The following TACC2 variants were observed in gnomAD, a reference collection of about 807,000 sequenced individuals.
TACC2 encodes the protein transforming acidic coiled-coil containing protein 2.
Under a neutral mutation model 227.3 loss-of-function variants are expected in TACC2, and 137 were observed. That is an observed-to-expected ratio of 0.60 (90% CI 0.52 to 0.69). TACC2 has a LOEUF of 0.69. Ranked by LOEUF, TACC2 falls within the 30% of genes least tolerant of loss-of-function variation. TACC2 has a pLI of 0.00. For missense variants in TACC2, 3,470 were observed against 3,694.4 expected (o/e 0.94, Z 1.57); for synonymous variants, 1,523 against 1,487.5 (o/e 1.02, Z -0.55).
chr10:122,002,829 AT>A (rs1325680648), intron 1 of TACC2, among the ~76,000 whole-genome samples: 1 of 152,088 alleles, frequency 6.6e-6, no homozygotes, highest in Non-Finnish European at 1.5e-5. Flanking sequence ...CCCTCTTGTA[AT>A]TTTGTGTGTT....
intron 7 of TACC2, among the ~76,000 whole-genome samples, chr10:122,189,384 T>C (rs534536262): frequency 6.6e-6 from 1 of 152,310 alleles, no homozygotes; most frequent in South Asian, 2.1e-4. Context: ...GGTCTCCCTC[T>C]CTCTTCAGGG....
At chr10:122,161,345 A>G (rs1227577643) in intron 7 of TACC2, among the ~76,000 whole-genome samples, 1 of 152,220 alleles carries the variant, frequency 6.6e-6, no homozygotes, top group Non-Finnish European at 1.5e-5. Flanking sequence ...GATTCTACGT[A>G]AAAGCACTTC....
intron 21 of TACC2, 137 bp downstream of exon 21, chr10:122,249,293 T>C: frequency 1.3e-6 from 1 of 741,500 alleles, no homozygotes; most frequent in African/African-American, 1.8e-5. Context: ...TCAATAAGAC[T>C]CGAGAGAAGG....
chr10:122,188,780 T>C (rs2094307148), intron 7 of TACC2, among the ~76,000 whole-genome samples: 1 of 152,150 alleles, frequency 6.6e-6, no homozygotes, highest in African/African-American at 2.4e-5. Flanking sequence ...CATCACAACA[T>C]AGCCACGAAG....
At chr10:122,213,868 G>C (rs746590948) in intron 9 of TACC2, among the ~76,000 whole-genome samples, 2 of 152,178 alleles carry the variant, frequency 1.3e-5, no homozygotes, top group Non-Finnish European at 2.9e-5. Context: ...CCCACAGAGT[G>C]CCCTGAAATG....
At position 122,141,683 on chromosome 10, in the gene TACC2, C is replaced by A. The variant is rs906559614; in HGVS notation, c.5700-1889C>A. On this transcript the variant is annotated intron_variant, in intron 6 of 22. Transcript: ENST00000369005. The surrounding 1 kb of genome is among the most constrained non-coding windows in gnomAD (Gnocchi z 4.3). ...GGCCACAGATCTAAGGTAGCATCTCCCCCCCACCCGCCACTGTTTTCTAAG... is the reference window on the plus strand; with the variant it reads ...GGCCACAGATCTAAGGTAGCATCTCACCCCCACCCGCCACTGTTTTCTAAG... 2.4e-4 allele frequency among the ~76,000 whole-genome samples: 37 copies of A among 152,098 alleles called. No individual in the cohort carries two copies. Among genetic ancestry groups the A allele is most frequent in the Admixed American group, 1.9e-3 (29 of 15,280 alleles).
chr10:122,075,882 C>G (rs1273754015), intron 3 of TACC2, among the ~76,000 whole-genome samples: 1 of 152,188 alleles, frequency 6.6e-6, no homozygotes, highest in Non-Finnish European at 1.5e-5. Flanking sequence ...TCATGGCAGC[C>G]TCCGCCTCCT....
intron 3 of TACC2, among the ~76,000 whole-genome samples, chr10:122,073,454 G>A (rs1300470189): frequency 6.6e-6 from 1 of 152,146 alleles, no homozygotes; most frequent in African/African-American, 2.4e-5. Flanking sequence ...TGAGAGGTGA[G>A]AGGTGAACAG....
intron 7 of TACC2, among the ~76,000 whole-genome samples, chr10:122,188,428 C>T (rs571793980): frequency 6.6e-6 from 1 of 152,076 alleles, no homozygotes; most frequent in East Asian, 1.9e-4. Context: ...TACAGGCATG[C>T]GCCACCACGC....
rs776487415 is a variant in TACC2, at chr10:122,085,991, A to C, written c.3491A>C (p.His1164Pro). 1 of 1,613,992 alleles carries C rather than the reference A, an allele frequency of 6.2e-7. No homozygotes were observed. The highest frequency in any genetic ancestry group is 8.5e-7 in the Non-Finnish European group (1 of 1,180,016). Residue 1164 changes from histidine (H) to proline (P), a missense_variant, in exon 4 of 23, where the codon CAC becomes CCC. His to Pro is a moderately conservative substitution (Grantham distance 77). Coordinates refer to ENST00000369005, the MANE Select transcript of TACC2 (RefSeq NM_206862.4). ...AGTTGTGGCCTCCTTCAGACTGAGC[A>C]CTGCCTTACCTCCGGGGAGGAAGCT... ...TLSCGLLQTE[H>P]CLTSGEEAST...
chr10:122,034,971 A>T (rs760929676), intron 2 of TACC2, among the ~76,000 whole-genome samples: 2 of 151,972 alleles, frequency 1.3e-5, no homozygotes, highest in South Asian at 2.1e-4. Flanking sequence ...TTGGAAAGAA[A>T]CACTGATCTG....
At chr10:122,229,677 G>T (rs905523945) in intron 15 of TACC2, among the ~76,000 whole-genome samples, 191 bp downstream of exon 15, 1 of 152,136 alleles carries the variant, frequency 6.6e-6, no homozygotes, top group African/African-American at 2.4e-5. Flanking sequence ...TGTAAATTGT[G>T]TGATTACATA....
rs1433272451 is a variant in TACC2 at position 122,048,399 on chromosome 10, TCCTTCCTCCCTCCCTC to T, written c.34-2031_34-2016del. Among the ~76,000 whole-genome samples, 3 of 135,276 alleles carry T rather than the reference TCCTTCCTCCCTCCCTC, an allele frequency of 2.2e-5. No homozygotes were observed. The Admixed American group carries it at 2.3e-4, about 10-fold the overall frequency. The allele number at this position is 135,276 out of a possible 152,430, so 88.7% of individuals were successfully genotyped here. A position where few individuals can be genotyped will look rare whatever the true frequency, so the allele number is the denominator to read the frequency against. ...ATTTTTTTTTTCTCCTCCCTTTCCT[TCCTTCCTCCCTCCCTC>T]CCTTCCTTCCCTCCTTGCTTCCTCC... On this transcript the variant is annotated intron_variant, in intron 2 of 22. Transcript: ENST00000369005.
At position 122,180,122 on chromosome 10, in the gene TACC2, A is replaced by C. The variant is rs1304167873; in HGVS notation, c.5835-14918A>C. Among the ~76,000 whole-genome samples the C allele has an allele frequency of 6.6e-6, 1 of 151,530 alleles. No individual in the cohort carries two copies. Among genetic ancestry groups the C allele is most frequent in the Non-Finnish European group, 1.5e-5 (1 of 67,918 alleles). ...CGAGTCCTTTCCCCGTGTAACCCTC[A>C]GTGGCTTTCAGACTCCTCATGGGTC... On this transcript the variant is annotated intron_variant, in intron 7 of 22. Transcript: ENST00000369005. This position sits in a 1 kb window ranked among gnomAD's most constrained non-coding sequence, Gnocchi z 4.5.
chr10:122,053,670 T>C (rs1475973328), intron 3 of TACC2, among the ~76,000 whole-genome samples: 1 of 152,152 alleles, frequency 6.6e-6, no homozygotes, highest in Non-Finnish European at 1.5e-5. Flanking sequence ...CCCTCCCTGC[T>C]CATTCCCCTC....
At chr10:122,032,530 G>A (rs538214688) in intron 2 of TACC2, among the ~76,000 whole-genome samples, 11 of 152,264 alleles carry the variant, frequency 7.2e-5, no homozygotes, top group African/African-American at 2.2e-4. Flanking sequence ...AAAGGGTAAG[G>A]GACAGGCCTG....
At chr10:122,177,583 A>G (rs964312652) in intron 7 of TACC2, among the ~76,000 whole-genome samples, 9 of 152,156 alleles carry the variant, frequency 5.9e-5, no homozygotes, top group African/African-American at 9.7e-5. Context: ...TGTCTCTAAA[A>G]TAATAAAATG....
intron 5 of TACC2, among the ~76,000 whole-genome samples, chr10:122,119,459 G>A (rs1255996026): frequency 6.6e-6 from 1 of 152,194 alleles, no homozygotes; most frequent in Non-Finnish European, 1.5e-5. Flanking sequence ...TGTGGATTTG[G>A]TGCACTGGCT....
At chr10:122,207,382 C>G (rs185487417) in intron 8 of TACC2, among the ~76,000 whole-genome samples, 2 of 152,158 alleles carry the variant, frequency 1.3e-5, no homozygotes, top group African/African-American at 4.8e-5. Context: ...TGAGGGGCCC[C>G]GTGGAGCAGC....
Sources: gnomAD v4.1 joint callset for allele counts (sites outside exome capture counted in the v4.1 genomes callset) on GRCh38, gnomAD v4.1.1 for gene constraint, Gnocchi (gnomAD v3.1) non-coding constraint, MANE v1.5 for transcripts, NCBI Gene and HGNC (gene_info 2026-07-23, HGNC 2026-07-21) for gene names.